PRKN: variants seen among roughly 807,000 people sequenced by gnomAD.
PRKN encodes the protein parkin RBR E3 ubiquitin protein ligase.
PRKN carries 56 observed loss-of-function variants against 59.5 expected under a neutral mutation model. The ratio of observed to expected loss-of-function variants is 0.94; its 90% CI spans 0.76 to 1.18. PRKN has a LOEUF of 1.18. PRKN is among the 50% of genes most tolerant of loss of function. PRKN has a pLI of 0.00. For synonymous variants in PRKN, 250 were observed against 222.1 expected, an observed-to-expected ratio of 1.13 and a Z score of -1.12; for missense variants, 657 against 596.4, an observed-to-expected ratio of 1.10 and a Z score of -1.06.
chr6:161,959,572 C>T (rs1452074403), intron 6 of PRKN, among the ~76,000 whole-genome samples: 1 of 152,162 alleles, frequency 6.6e-6, no homozygotes, highest in Non-Finnish European at 1.5e-5. Flanking sequence ...TATACAATTA[C>T]GTGTCCACAC....
chr6:162,250,307 C>A (rs7770626), intron 3 of PRKN, among the ~76,000 whole-genome samples: 33,317 of 151,954 alleles, frequency 0.22, 4,493 homozygotes, highest in African/African-American at 0.37. Context: ...GGGAGCTGTA[C>A]CACTTTGTAG....
intron 5 of PRKN, among the ~76,000 whole-genome samples, chr6:161,976,824 A>C (rs1781051141): frequency 6.6e-6 from 1 of 152,238 alleles, no homozygotes; most frequent in Non-Finnish European, 1.5e-5. Flanking sequence ...ATAGATAGAA[A>C]GCACTTACGT....
chr6:162,567,801 T>C (rs1321747687), intron 1 of PRKN, among the ~76,000 whole-genome samples: 1 of 152,172 alleles, frequency 6.6e-6, no homozygotes, highest in Non-Finnish European at 1.5e-5. Flanking sequence ...AGACCCAGAA[T>C]AGCCAAAGTT....
At chr6:162,462,458 A>G (rs1436257628) in intron 1 of PRKN, among the ~76,000 whole-genome samples, 1 of 152,108 alleles carries the variant, frequency 6.6e-6, no homozygotes. Context: ...GACCTATTTC[A>G]TTTCAACCTG....
intron 2 of PRKN, among the ~76,000 whole-genome samples, chr6:162,309,243 C>T (rs112666012): frequency 6.6e-6 from 1 of 152,280 alleles, no homozygotes; most frequent in East Asian, 1.9e-4. Flanking sequence ...TGGCTCACTG[C>T]AACCTACGAC....
intron 7 of PRKN, among the ~76,000 whole-genome samples, chr6:161,616,126 T>G (rs906398729): frequency 6.6e-6 from 1 of 152,192 alleles, no homozygotes; most frequent in Non-Finnish European, 1.5e-5. Flanking sequence ...CCTGTCAACT[T>G]GCCTGAACTC....
intron 1 of PRKN, among the ~76,000 whole-genome samples, chr6:162,612,119 G>T (rs1184776044): frequency 4.0e-5 from 6 of 149,374 alleles, no homozygotes; most frequent in African/African-American, 1.5e-4. Flanking sequence ...CGTGAACCCG[G>T]GAGGCGGAGC....
intron 5 of PRKN, among the ~76,000 whole-genome samples, chr6:161,988,046 GCA>G (rs1390886102): frequency 6.6e-6 from 1 of 152,156 alleles, no homozygotes. Flanking sequence ...GCATCTATGG[GCA>G]CAGTTTGTGT....
rs181723155 is a variant in PRKN at position 161,699,456 on chromosome 6, G to A, written c.871+86316C>T. ...CCCAAACGTCCACCAACAGGTAAAC[G>A]GATAACAAACTGTGAAATGTCTCCA... On this transcript the variant is annotated intron_variant, in intron 7 of 11. Transcript: ENST00000366898. Among the ~76,000 whole-genome samples the A allele has an allele frequency of 7.2e-5, 11 of 152,128 alleles. No homozygotes were observed. The East Asian group carries it at 7.7e-4, about 11-fold the overall frequency.
intron 7 of PRKN, among the ~76,000 whole-genome samples, chr6:161,652,710 G>C (rs1256169680): frequency 6.6e-6 from 1 of 152,160 alleles, no homozygotes; most frequent in Non-Finnish European, 1.5e-5. Context: ...TAATGGAGAA[G>C]ATAATGTGAT....
intron 6 of PRKN, among the ~76,000 whole-genome samples, chr6:161,827,790 G>A (rs781438322): frequency 3.3e-5 from 5 of 152,174 alleles, no homozygotes; most frequent in Non-Finnish European, 7.3e-5. Context: ...TTACAAGCGT[G>A]AGCCAGCACA....
chr6:161,614,848 A>C (rs957313332), intron 7 of PRKN, among the ~76,000 whole-genome samples: 6 of 152,192 alleles, frequency 3.9e-5, no homozygotes, highest in Non-Finnish European at 8.8e-5. Flanking sequence ...GGCTGCAGGC[A>C]GCCACTGTGT....
intron 1 of PRKN, among the ~76,000 whole-genome samples, chr6:162,629,377 C>T (rs1053849594): frequency 6.6e-6 from 1 of 152,084 alleles, no homozygotes; most frequent in Non-Finnish European, 1.5e-5. Flanking sequence ...ACAGGTTTTA[C>T]AGCTGCTATA....
chr6:162,651,514 C>T (rs1454204110), intron 1 of PRKN, among the ~76,000 whole-genome samples: 1 of 152,150 alleles, frequency 6.6e-6, no homozygotes, highest in Non-Finnish European at 1.5e-5. Context: ...TTTGAGGAGA[C>T]ACATTAACCT....
Position 161,617,372 on chromosome 6 carries a change from G to C in PRKN, c.872-47956C>G, listed in dbSNP as rs76751956. ...GTGTAGGCTGCCTGTTCACTCTGAC[G>C]ATAAATTTCTTTAGGTGTGCAGAAG... On this transcript the variant is annotated intron_variant, in intron 7 of 11. Coordinates refer to ENST00000366898, the MANE Select transcript of PRKN (RefSeq NM_004562.3). Among the ~76,000 whole-genome samples the C allele has an allele frequency of 2.0e-5, 3 of 152,300 alleles. No homozygotes were observed. The South Asian group carries it at 6.2e-4, about 32-fold the overall frequency.
At chr6:161,952,828 A>C (rs111606694) in intron 6 of PRKN, among the ~76,000 whole-genome samples, 1,813 of 152,314 alleles carry the variant, frequency 0.012, 43 homozygotes, top group African/African-American at 0.038. Flanking sequence ...CATAATAAAT[A>C]ATAATAAAAG....
intron 1 of PRKN, among the ~76,000 whole-genome samples, chr6:162,684,190 A>G (rs1278308460): frequency 6.6e-6 from 1 of 152,154 alleles, no homozygotes; most frequent in Non-Finnish European, 1.5e-5. Context: ...TTTTACTGAC[A>G]TAATGTGAAC....
chr6:161,954,840 A>C (rs1431712575), intron 6 of PRKN, among the ~76,000 whole-genome samples: 2 of 152,170 alleles, frequency 1.3e-5, no homozygotes, highest in African/African-American at 4.8e-5. Flanking sequence ...CAGGCCTCCT[A>C]ATCACTGCCT....
chr6:162,725,645 C>T (rs984075951), intron 1 of PRKN, among the ~76,000 whole-genome samples: 5 of 151,916 alleles, frequency 3.3e-5, no homozygotes, highest in Admixed American at 2.0e-4. Context: ...CACCTGTAGT[C>T]ACAGCTACTC....
Sources: gnomAD v4.1 joint callset for allele counts (sites outside exome capture counted in the v4.1 genomes callset) on GRCh38, gnomAD v4.1.1 for gene constraint, MANE v1.5 for transcripts, NCBI Gene and HGNC (gene_info 2026-07-23, HGNC 2026-07-21) for gene names.